Variants in ANO1 observed in about 807,000 individuals in gnomAD.
ANO1 encodes anoctamin 1, also known as anoctamin-1.
A neutral mutation model predicts 124.0 loss-of-function variants in ANO1; 59 were observed. The ratio of observed to expected loss-of-function variants is 0.48; its 90% confidence interval spans 0.39 to 0.59. ANO1 has a LOEUF of 0.59. Among genes scored for constraint, ANO1 ranks in the 20% least tolerant of loss-of-function variants. The pLI, the probability that ANO1 is intolerant of heterozygous loss-of-function variation, is 0.00. For missense variants in ANO1, 1,059 were observed against 1,328.0 expected (o/e 0.80, Z 3.15); for synonymous variants, 529 against 532.0 (o/e 0.99, Z 0.08).
rs148893864 is a variant in ANO1, at chr11:70,038,574, T to C, written c.59-39968T>C. ...CGAGCACCCATTTCCAACAATTTGG[T>C]GGGCCATACAGGGACTCTGTTTCCC... On this transcript the variant is annotated intron_variant, in intron 1 of 27. Coordinates refer to the ANO1 transcript ENST00000531349. Among the ~76,000 whole-genome samples the C allele has an allele frequency of 5.3e-5, 8 of 152,212 alleles. No individual in the cohort carries two copies. The East Asian group carries it at 7.7e-4, about 15-fold the overall frequency.
intron 1 of ANO1, among the ~76,000 whole-genome samples, chr11:69,991,340 G>A (rs1180233305): frequency 6.6e-6 from 1 of 152,208 alleles, no homozygotes; most frequent in Non-Finnish European, 1.5e-5. Context: ...ACTTGGGGTA[G>A]GTTTGGGATG....
chr11:70,103,998 G>T lies in ANO1; in HGVS notation c.541-1G>T, dbSNP rs1345038003. ...TCCCCGGTCCCTTGTCTTATCTGCA[G>T]ATGTACCACATTAATGAGACCCGTG... On this transcript the variant is annotated splice_acceptor_variant, in intron 3 of 25. Coordinates refer to ENST00000355303, the MANE Select transcript of ANO1 (RefSeq NM_018043.7). LOFTEE classifies it high-confidence loss of function. 1.2e-6 allele frequency: 2 copies of T among 1,611,476 alleles called. No homozygotes were observed. The highest frequency in any genetic ancestry group is 2.7e-5 in the African/African-American group (2 of 74,812).
chr11:69,974,887 TAAAAAA>T, the ANO1 span, among the ~76,000 whole-genome samples: 9 of 127,642 alleles, frequency 7.1e-5, no homozygotes, highest in Admixed American at 7.7e-5. Flanking sequence ...CCTCCGTCTC[TAAAAAA>T]AAAAAAAAAA....
chr11:70,022,637 C>T (rs1555002727), intron 1 of ANO1, among the ~76,000 whole-genome samples: 1 of 151,790 alleles, frequency 6.6e-6, no homozygotes, highest in Admixed American at 6.6e-5. Context: ...AGTGAAGCCA[C>T]TGATGGCCCC....
intron 1 of ANO1, among the ~76,000 whole-genome samples, chr11:70,012,777 A>T (rs1464182699): frequency 2.6e-5 from 4 of 152,004 alleles, no homozygotes; most frequent in African/African-American, 9.7e-5. Context: ...TCATCCATCC[A>T]TTTGCCCATC....
intron 23 of ANO1, among the ~76,000 whole-genome samples, chr11:70,181,717 A>G (rs1026673995): frequency 4.6e-5 from 7 of 151,914 alleles, no homozygotes; most frequent in Non-Finnish European, 8.8e-5. Flanking sequence ...GCTTGAGGCG[A>G]GGAATTCAAG....
chr11:70,159,374 T>A (rs1486681782), intron 16 of ANO1, among the ~76,000 whole-genome samples: 1 of 152,140 alleles, frequency 6.6e-6, no homozygotes, highest in Non-Finnish European at 1.5e-5. Context: ...GGCTCAGGAA[T>A]GAGCACACAC....
intron 10 of ANO1, among the ~76,000 whole-genome samples, chr11:70,131,063 A>G (rs927857989): frequency 2.0e-5 from 3 of 152,174 alleles, no homozygotes; most frequent in African/African-American, 7.2e-5. Flanking sequence ...AGCATTTGCT[A>G]TTGGCACAAG....
intron 1 of ANO1, among the ~76,000 whole-genome samples, chr11:70,048,692 T>G: frequency 1.2e-5 from 1 of 86,804 alleles, no homozygotes; most frequent in African/African-American, 4.6e-5. Flanking sequence ...CTCCCCACTC[T>G]TCTCCACCCC....
chr11:69,988,255 G>A (rs1466872076), intron 1 of ANO1, among the ~76,000 whole-genome samples: 5 of 152,132 alleles, frequency 3.3e-5, no homozygotes, highest in Admixed American at 1.3e-4. Flanking sequence ...TCCTGCCACC[G>A]GCACCCAGAC....
chr11:70,052,758 T>A (rs1303767501), intron 1 of ANO1, among the ~76,000 whole-genome samples: 1 of 151,966 alleles, frequency 6.6e-6, no homozygotes, highest in Admixed American at 6.6e-5. Flanking sequence ...TTTCACCATG[T>A]TGGCCAGGCT....
chr11:70,120,420 C>T (rs2046213776), intron 8 of ANO1, among the ~76,000 whole-genome samples: 1 of 152,166 alleles, frequency 6.6e-6, no homozygotes, highest in Non-Finnish European at 1.5e-5. Context: ...CTGCCTCCCC[C>T]TGCCAGGGCA....
intron 12 of ANO1, among the ~76,000 whole-genome samples, chr11:70,151,832 C>A (rs1308588288): frequency 3.3e-5 from 5 of 152,190 alleles, no homozygotes; most frequent in Non-Finnish European, 7.3e-5. Context: ...TATCATGTGA[C>A]CCATGTGTGC....
chr11:70,010,134 G>GGTGTGTGTGT (rs34598701), intron 1 of ANO1, among the ~76,000 whole-genome samples: 9 of 81,872 alleles, frequency 1.1e-4, no homozygotes, highest in Admixed American at 2.7e-4. Context: ...AGTATTCCAT[G>GGTGTGTGTGT]GTGTGTGTGT....
At position 70,170,951 on chromosome 11, in the gene ANO1, G is replaced by A. The variant is rs2048444109; in HGVS notation, c.2262G>A (p.Leu754=). 1 of 1,613,356 alleles carries A rather than the reference G, an allele frequency of 6.2e-7. No individual in the cohort carries two copies. The highest frequency in any genetic ancestry group is 1.3e-5 in the African/African-American group (1 of 74,906). The part of the protein sequence containing the change: ...ASFPLAPLFA[L]LNNIIEIRLD... ...TCCCCCTGGCCCCACTGTTTGCGCTGCTGAACAACATCATCGAGATCCGCC... is the reference window on the plus strand; with the variant it reads ...TCCCCCTGGCCCCACTGTTTGCGCTACTGAACAACATCATCGAGATCCGCC... Residue 754 remains leucine (L), a synonymous_variant, in exon 22 of 26, where the codon CTG becomes CTA. Coordinates refer to ENST00000355303, the MANE Select transcript of ANO1 (RefSeq NM_018043.7).
At chr11:70,041,717 G>A (rs1271839293) in intron 1 of ANO1, among the ~76,000 whole-genome samples, 2 of 151,998 alleles carry the variant, frequency 1.3e-5, no homozygotes. Context: ...GGTTCTCGGT[G>A]AAAATATGTT....
chr11:70,110,773 T>C (rs995052636), intron 6 of ANO1, among the ~76,000 whole-genome samples: 1 of 152,126 alleles, frequency 6.6e-6, no homozygotes, highest in East Asian at 1.9e-4. Flanking sequence ...AAGGGCCCCA[T>C]GGAAACGCCC....
At chr11:70,010,907 CT>C (rs1555001003) in intron 1 of ANO1, among the ~76,000 whole-genome samples, 1 of 152,244 alleles carries the variant, frequency 6.6e-6, no homozygotes, top group Non-Finnish European at 1.5e-5. Flanking sequence ...ATAGTGGCTA[CT>C]GTTTCCTCCA....
At chr11:70,138,830 A>C (rs946857967) in intron 11 of ANO1, among the ~76,000 whole-genome samples, 3 of 151,806 alleles carry the variant, frequency 2.0e-5, no homozygotes, top group Admixed American at 2.0e-4. Context: ...GATCTGTTAC[A>C]TGGGTAAACT....
Sources: gnomAD v4.1 joint callset for allele counts (sites outside exome capture counted in the v4.1 genomes callset) on GRCh38, gnomAD v4.1.1 for gene constraint, MANE v1.5 for transcripts, NCBI Gene and HGNC (gene_info 2026-07-23, HGNC 2026-07-21) for gene names.